KCNIP4: variants seen among roughly 807,000 people sequenced by gnomAD.
KCNIP4 encodes the protein Kv channel-interacting protein 4.
Under a neutral mutation model 34.0 loss-of-function variants are expected in KCNIP4, and 12 were observed. The ratio of observed to expected loss-of-function variants is 0.35; its 90% CI spans 0.23 to 0.57. The LOEUF (loss-of-function observed/expected upper bound fraction) is 0.57. Ranked by LOEUF, KCNIP4 falls within the 20% of genes least tolerant of loss-of-function variation. The pLI is 0.83. For missense variants in KCNIP4, 238 were observed against 311.7 expected (o/e 0.76, Z 1.78); for synonymous variants, 124 against 102.2 (o/e 1.21, Z -1.29).
chr4:21,297,845 T>A (rs1427759282), intron 1 of KCNIP4, among the ~76,000 whole-genome samples: 5 of 152,100 alleles, frequency 3.3e-5, no homozygotes, highest in Non-Finnish European at 4.4e-5. Context: ...TAAATACAAT[T>A]TTTTTAATGG....
chr4:20,738,383 C>T (rs1245883546), intron 5 of KCNIP4, among the ~76,000 whole-genome samples: 4 of 152,154 alleles, frequency 2.6e-5, no homozygotes, highest in South Asian at 2.1e-4. Context: ...GCAACACAGT[C>T]ACCTGGGGAG....
chr4:21,141,259 C>A (rs1577770315), intron 1 of KCNIP4, among the ~76,000 whole-genome samples: 2 of 152,134 alleles, frequency 1.3e-5, no homozygotes, highest in East Asian at 1.9e-4. Flanking sequence ...TCGTTCAATG[C>A]AGGGTTGCCA....
intron 1 of KCNIP4, among the ~76,000 whole-genome samples, chr4:21,084,956 TAC>T (rs1339135587): frequency 6.6e-6 from 1 of 151,942 alleles, no homozygotes; most frequent in Non-Finnish European, 1.5e-5. Context: ...TCCCATATTA[TAC>T]ACACTCATAT....
At chr4:21,948,201 A>T (rs1337427884) in intron 1 of KCNIP4, among the ~76,000 whole-genome samples, 1 of 152,220 alleles carries the variant, frequency 6.6e-6, no homozygotes. Flanking sequence ...ATTTCAGCTC[A>T]TTAATCCCCA....
chr4:20,853,623 G>C (rs916642455), intron 2 of KCNIP4, among the ~76,000 whole-genome samples: 5 of 152,016 alleles, frequency 3.3e-5, no homozygotes, highest in African/African-American at 1.2e-4. Flanking sequence ...AAAAGCAAAA[G>C]CAATAAAAAC....
chr4:21,205,171 C>T (rs1434667921), intron 1 of KCNIP4, among the ~76,000 whole-genome samples: 2 of 152,144 alleles, frequency 1.3e-5, no homozygotes, highest in African/African-American at 4.8e-5. Context: ...GAGTGTAATT[C>T]CACAAATGTC....
intron 1 of KCNIP4, among the ~76,000 whole-genome samples, chr4:21,551,603 T>C (rs924940868): frequency 4.6e-5 from 7 of 152,244 alleles, no homozygotes; most frequent in Admixed American, 4.6e-4. Flanking sequence ...AATGCAACTC[T>C]GCCAAAACCT....
rs1483709098 is a variant in KCNIP4, at chr4:21,155,485, C to T, written c.62-272776G>A. Among the ~76,000 whole-genome samples, 3 of 152,234 alleles carry T rather than the reference C, an allele frequency of 2.0e-5. No homozygotes were observed. In the East Asian group the frequency reaches 5.8e-4, roughly 29 times the overall value. On this transcript the variant is annotated intron_variant, in intron 1 of 8. Coordinates refer to ENST00000382152, the MANE Select transcript of KCNIP4 (RefSeq NM_025221.6). ...GAAAGACGTTTTGATAAATATTATT[C>T]CATTGATATGTCAGGTGAAGCTAGT... is the stretch of plus-strand genomic sequence containing the variant.
At chr4:21,356,269 G>T (rs536162552) in intron 1 of KCNIP4, among the ~76,000 whole-genome samples, 1 of 152,258 alleles carries the variant, frequency 6.6e-6, no homozygotes, top group Admixed American at 6.5e-5. Context: ...ATAAGACAAG[G>T]ATGCCCTCTC....
intron 1 of KCNIP4, among the ~76,000 whole-genome samples, chr4:21,011,849 C>T (rs886574872): frequency 3.9e-5 from 6 of 152,164 alleles, no homozygotes; most frequent in Non-Finnish European, 5.9e-5. Flanking sequence ...TTTGGATGCA[C>T]TTAATGCTTT....
chr4:21,670,800 T>C (rs891243285), intron 1 of KCNIP4, among the ~76,000 whole-genome samples: 1 of 151,786 alleles, frequency 6.6e-6, no homozygotes, highest in African/African-American at 2.4e-5. Flanking sequence ...GGACTACAGG[T>C]GCCTGCAACC....
chr4:20,819,396 A>G (rs1453371412), intron 3 of KCNIP4, among the ~76,000 whole-genome samples: 1 of 152,140 alleles, frequency 6.6e-6, no homozygotes, highest in Non-Finnish European at 1.5e-5. Context: ...AATAAAACAA[A>G]CCAATTGTTC....
At chr4:21,245,416 G>A (rs1425623573) in intron 1 of KCNIP4, among the ~76,000 whole-genome samples, 2 of 152,042 alleles carry the variant, frequency 1.3e-5, no homozygotes, top group African/African-American at 2.4e-5. Flanking sequence ...TTAAATATAA[G>A]CTCCATGAAT....
chr4:21,432,094 A>G (rs1221022362), intron 1 of KCNIP4, among the ~76,000 whole-genome samples: 1 of 21,640 alleles, frequency 4.6e-5, no homozygotes, highest in East Asian at 1.0e-3. Flanking sequence ...ATGGAAGCAT[A>G]TATATATATA....
intron 1 of KCNIP4, among the ~76,000 whole-genome samples, chr4:21,521,925 A>T (rs975309194): frequency 1.3e-5 from 2 of 151,930 alleles, no homozygotes; most frequent in South Asian, 2.1e-4. Context: ...ATTGTAATAA[A>T]AAAAAAAAAG....
At chr4:20,904,791 C>T (rs78224926) in intron 1 of KCNIP4, among the ~76,000 whole-genome samples, 2 of 151,992 alleles carry the variant, frequency 1.3e-5, no homozygotes, top group Admixed American at 6.6e-5. Flanking sequence ...AATTTGATTT[C>T]CTTTCTGTCT....
chr4:21,634,605 ATCAC>A (rs1745998468), intron 1 of KCNIP4, among the ~76,000 whole-genome samples: 1 of 152,176 alleles, frequency 6.6e-6, no homozygotes, highest in South Asian at 2.1e-4. Context: ...GTTATGACAC[ATCAC>A]TCATTCATAT....
chr4:21,290,256 A>G (rs1050473972), intron 1 of KCNIP4, among the ~76,000 whole-genome samples: 1 of 152,122 alleles, frequency 6.6e-6, no homozygotes, highest in African/African-American at 2.4e-5. Flanking sequence ...TAACTCCTCA[A>G]TGTTAAATAT....
At chr4:21,645,157 T>C (rs1425020650) in intron 1 of KCNIP4, among the ~76,000 whole-genome samples, 1 of 152,144 alleles carries the variant, frequency 6.6e-6, no homozygotes, top group Non-Finnish European at 1.5e-5. Context: ...CATTCCAGTA[T>C]AGCTGGAATG....
Sources: gnomAD v4.1 joint callset for allele counts (sites outside exome capture counted in the v4.1 genomes callset) on GRCh38, gnomAD v4.1.1 for gene constraint, MANE v1.5 for transcripts, NCBI Gene and HGNC (gene_info 2026-07-23, HGNC 2026-07-21) for gene names.